DYNC2H1: variants seen among roughly 807,000 people sequenced by gnomAD.
DYNC2H1 encodes the protein dynein cytoplasmic 2 heavy chain 1.
Under a neutral mutation model 570.0 loss-of-function variants are expected in DYNC2H1, and 410 were observed. The ratio of observed to expected loss-of-function variants is 0.72; its 90% confidence interval spans 0.66 to 0.78. DYNC2H1 has a LOEUF of 0.78. Among genes scored for constraint, DYNC2H1 ranks in the 30% least tolerant of loss-of-function variants. The pLI is 0.00. For synonymous variants in DYNC2H1, 1,688 were observed against 1,677.6 expected (o/e 1.01, Z -0.15); for missense variants, 4,865 against 5,046.4 (o/e 0.96, Z 1.09).
Position 103,395,357 on chromosome 11 carries a change from G to GTA in DYNC2H1, c.12157-4302_12157-4301dup, listed in dbSNP as rs978994611. ...ATATATATTTCTTATTATGTATTATGTATATCCTCATATATAATATATATT... is the reference window on the plus strand; with the variant it reads ...ATATATATTTCTTATTATGTATTATGTATATATCCTCATATATAATATATATT... On this transcript the variant is annotated intron_variant, in intron 83 of 88. Coordinates refer to ENST00000375735, the MANE Select transcript of DYNC2H1 (RefSeq NM_001377.3). This position sits in a 1 kb window ranked among gnomAD's most constrained non-coding sequence, Gnocchi z 4.3. Among the ~76,000 whole-genome samples, 28 of 151,638 alleles carry GTA rather than the reference G, an allele frequency of 1.8e-4. No homozygotes were observed. The highest frequency in any genetic ancestry group is 6.8e-4 in the African/African-American group (28 of 41,370).
At chr11:103,379,318 C>G (rs1941540470) in intron 83 of DYNC2H1, among the ~76,000 whole-genome samples, 2 of 152,182 alleles carry the variant, frequency 1.3e-5, no homozygotes, top group African/African-American at 4.8e-5. Context: ...TTGTCAAACA[C>G]AAGATTTGGA....
At chr11:103,135,254 G>A (rs1297716649) in intron 15 of DYNC2H1, among the ~76,000 whole-genome samples, 5 of 151,876 alleles carry the variant, frequency 3.3e-5, no homozygotes, top group African/African-American at 1.2e-4. Flanking sequence ...ATATTTGCTT[G>A]GTTTTTAAAT....
chr11:103,115,803 C>T (rs1858359707), intron 4 of DYNC2H1, among the ~76,000 whole-genome samples: 2 of 151,368 alleles, frequency 1.3e-5, no homozygotes, highest in Admixed American at 6.6e-5. Context: ...AAACAAAAAA[C>T]AAAAAAAACC....
In DYNC2H1 at chr11:103,293,987, G is replaced by T. The variant is rs529105707; in HGVS notation, c.11095+6382G>T. On this transcript the variant is annotated intron_variant, in intron 75 of 88. Coordinates refer to ENST00000375735, the MANE Select transcript of DYNC2H1 (RefSeq NM_001377.3). ...AGCTACTTGGGAGGCTGAGGCAGGA[G>T]AATTGCTTGAATCTGGGAGAGGCAG... 6.6e-5 allele frequency among the ~76,000 whole-genome samples: 10 copies of T among 152,210 alleles called. No individual in the cohort carries two copies. The East Asian group carries it at 1.4e-3, about 21-fold the overall frequency.
intron 82 of DYNC2H1, among the ~76,000 whole-genome samples, chr11:103,332,055 G>A (rs1198744778): frequency 2.7e-5 from 4 of 148,416 alleles, no homozygotes; most frequent in Non-Finnish European, 4.4e-5. Flanking sequence ...GTGACAAAGC[G>A]AGACTCCATC....
Position 103,203,663 on chromosome 11 carries a change from G to C in DYNC2H1, c.8198G>C (p.Gly2733Ala). 1.9e-6 allele frequency: 3 copies of C among 1,574,668 alleles called. No homozygotes were observed. Among genetic ancestry groups the C allele is most frequent in the Non-Finnish European group, 2.6e-6 (3 of 1,161,740 alleles). ...CAATTAGTCTAATATTTTTCTGTAG[G>C]TGAAGTTCCTGGACTCTATACTCTT... ...LEMINSLLSS[G>A]EVPGLYTLEE... Residue 2733 changes from glycine to alanine, a missense_variant and splice_region_variant, in exon 51 of 89, where the codon GGT becomes GCT. Gly to Ala is a moderately conservative substitution (Grantham distance 60). Around this residue, in one of 5 missense-constraint regions of DYNC2H1, gnomAD observed 2,401 missense variants for 2,454.6 expected, o/e 0.98. Coordinates refer to ENST00000375735, the MANE Select transcript of DYNC2H1 (RefSeq NM_001377.3). The surrounding 1 kb of genome is among the most constrained non-coding windows in gnomAD (Gnocchi z 4.7).
At chr11:103,115,614 AC>A (rs1858346892) in intron 4 of DYNC2H1, among the ~76,000 whole-genome samples, 1 of 152,130 alleles carries the variant, frequency 6.6e-6, no homozygotes. Flanking sequence ...CCTGGCCAAC[AC>A]GGTGAAACCT....
intron 82 of DYNC2H1, among the ~76,000 whole-genome samples, chr11:103,341,225 T>G (rs535724393): frequency 5.3e-4 from 80 of 152,362 alleles, no homozygotes; most frequent in Non-Finnish European, 9.7e-4. Context: ...AGTGCTAAAC[T>G]ATTCAAATAA....
chr11:103,221,011 C>T (rs1391170708), intron 57 of DYNC2H1, among the ~76,000 whole-genome samples: 1 of 151,744 alleles, frequency 6.6e-6, no homozygotes, highest in East Asian at 1.9e-4. Context: ...AAAAGGAATA[C>T]CTTAGAATGT....
rs1391508098 is a variant in DYNC2H1, at chr11:103,324,905, C to G, written c.12039+915C>G. On this transcript the variant is annotated intron_variant, in intron 82 of 88. Transcript: ENST00000375735. The surrounding 1 kb of genome is among the most constrained non-coding windows in gnomAD (Gnocchi z 5.2). ...TTTTGACTTTTTAATAATAGCCAGT[C>G]TGATGGGCATGAGATGGTATCTCAT... Among the ~76,000 whole-genome samples the G allele has an allele frequency of 6.6e-6, 1 of 152,156 alleles. No homozygotes were observed. Among genetic ancestry groups the G allele is most frequent in the Non-Finnish European group, 1.5e-5 (1 of 68,030 alleles).
At chr11:103,390,194 A>G (rs1238835261) in intron 83 of DYNC2H1, among the ~76,000 whole-genome samples, 1 of 152,132 alleles carries the variant, frequency 6.6e-6, no homozygotes, top group Admixed American at 6.6e-5. Flanking sequence ...TATTGGGTGC[A>G]TATATATTTA....
chr11:103,184,280 A>G (rs1861976353), intron 40 of DYNC2H1, among the ~76,000 whole-genome samples: 1 of 151,970 alleles, frequency 6.6e-6, no homozygotes, highest in East Asian at 1.9e-4. Flanking sequence ...AAACAAAGCA[A>G]AAACAAACCT....
chr11:103,370,699 C>T (rs151077412), intron 83 of DYNC2H1, among the ~76,000 whole-genome samples: 1 of 152,140 alleles, frequency 6.6e-6, no homozygotes, highest in Non-Finnish European at 1.5e-5. Flanking sequence ...GAAAATTCTT[C>T]CAGATCTAGT....
In DYNC2H1 at chr11:103,186,493, T is replaced by C; in HGVS notation, c.6885T>C (p.Cys2295=). 1 of 1,609,896 alleles carries C rather than the reference T, an allele frequency of 6.2e-7. No individual in the cohort carries two copies. The highest frequency in any genetic ancestry group is 8.5e-7 in the Non-Finnish European group (1 of 1,178,744). The part of the protein sequence containing the change: ...QPFILVGPEG[C]GKGMLLRYAF... Reference sequence around the variant, plus strand: ...TTATTCTGGTAGGACCAGAAGGATGTGGCAAAGGGTAAGAAAAATATTGGC... The same window carrying C: ...TTATTCTGGTAGGACCAGAAGGATGCGGCAAAGGGTAAGAAAAATATTGGC... The change falls in exon 42 of 89, where the codon TGT becomes TGC. Residue 2295 remains cysteine (C), a synonymous_variant. Transcript: ENST00000375735. The surrounding 1 kb of genome is among the most constrained non-coding windows in gnomAD (Gnocchi z 4.5).
intron 50 of DYNC2H1, among the ~76,000 whole-genome samples, chr11:103,200,369 A>ACAAT (rs1399587945): frequency 7.2e-5 from 11 of 152,196 alleles, no homozygotes; most frequent in African/African-American, 2.7e-4. Context: ...GTTAATATTG[A>ACAAT]GTATTGGTGA....
Position 103,191,569 on chromosome 11 carries a change from G to A in DYNC2H1, c.7490G>A (p.Cys2497Tyr), listed in dbSNP as rs1329993784. ...TATAGTCACTATTTCTTTACTCCTTGCATTCTTACCCAATGGGTTCTTGGC... is the reference window on the plus strand; with the variant it reads ...TATAGTCACTATTTCTTTACTCCTTACATTCTTACCCAATGGGTTCTTGGC... Reference protein sequence around the residue: ...DDYSHYFFTPCILTQWVLGLF... With the variant: ...DDYSHYFFTPYILTQWVLGLF... Residue 2497 changes from cysteine to tyrosine, a missense_variant, in exon 46 of 89, where the codon TGC becomes TAC. By Grantham distance (194) the Cys-to-Tyr change is radical. Around this residue, in one of 5 missense-constraint regions of DYNC2H1, gnomAD observed 2,401 missense variants for 2,454.6 expected, o/e 0.98. Transcript: ENST00000375735. 1 of 1,610,106 alleles carries A rather than the reference G, an allele frequency of 6.2e-7. No individual in the cohort carries two copies. The highest frequency in any genetic ancestry group is 8.5e-7 in the Non-Finnish European group (1 of 1,178,208).
rs756185822 is a variant in DYNC2H1 at position 103,129,345 on chromosome 11, TA to T, written c.1953+341del. 9.7e-4 allele frequency among the ~76,000 whole-genome samples: 147 copies of T among 152,328 alleles called. No individual in the cohort carries two copies. Among genetic ancestry groups the T allele is most frequent in the Non-Finnish European group, 1.2e-3 (85 of 68,034 alleles). On this transcript the variant is annotated intron_variant, in intron 13 of 88. Coordinates refer to ENST00000375735, the MANE Select transcript of DYNC2H1 (RefSeq NM_001377.3). This position sits in a 1 kb window ranked among gnomAD's most constrained non-coding sequence, Gnocchi z 4.1. Reference sequence around the variant, plus strand: ...ACCACCTCCCAATTTTGTAATGTAATATTTTTTTCCTTTTTATTTGTGGTTA... The same window carrying T: ...ACCACCTCCCAATTTTGTAATGTAATTTTTTTTCCTTTTTATTTGTGGTTA...
intron 30 of DYNC2H1, among the ~76,000 whole-genome samples, chr11:103,165,413 G>A (rs1861264533): frequency 1.3e-5 from 2 of 152,216 alleles, no homozygotes; most frequent in Admixed American, 1.3e-4. Flanking sequence ...ACAGGCGTGA[G>A]CCACCGCACC....
At chr11:103,353,389 T>C (rs919556200) in intron 82 of DYNC2H1, among the ~76,000 whole-genome samples, 1 of 152,212 alleles carries the variant, frequency 6.6e-6, no homozygotes, top group Admixed American at 6.5e-5. Context: ...TCAAATTTTC[T>C]ATATGTGTTC....
Sources: allele counts gnomAD v4.1 joint callset (sites outside exome capture counted in the v4.1 genomes callset), GRCh38; gene constraint gnomAD v4.1.1; regional missense constraint gnomAD v4.1.1; non-coding constraint Gnocchi (gnomAD v3.1); transcripts MANE v1.5; gene names NCBI Gene and HGNC (gene_info 2026-07-23, HGNC 2026-07-21).